The following MKNK1 variants were observed in gnomAD, a reference collection of about 807,000 sequenced individuals.
MKNK1 encodes MAP kinase-interacting serine/threonine-protein kinase 1.
In MKNK1, 30 loss-of-function variants were observed where a neutral mutation model predicts 49.3. That is an observed-to-expected ratio of 0.61 (90% confidence interval 0.46 to 0.83). The LOEUF (loss-of-function observed/expected upper bound fraction) is 0.83, where lower values mean the gene tolerates loss of function less well. MKNK1 is among the 40% of genes least tolerant of loss of function. MKNK1 has a pLI of 0.00. For synonymous variants in MKNK1, 176 were observed against 201.7 expected, an observed-to-expected ratio of 0.87 and a Z score of 1.08; for missense variants, 423 against 524.7, an observed-to-expected ratio of 0.81 and a Z score of 1.89.
chr1:46,571,995 T>G, intron 7 of MKNK1, 68 bp downstream of exon 7: 2 of 1,452,796 alleles, frequency 1.4e-6, no homozygotes, highest in Non-Finnish European at 1.9e-6. Flanking sequence ...CTGCCTGGCC[T>G]ACCACCTCCC....
intron 8 of MKNK1, among the ~76,000 whole-genome samples, chr1:46,565,858 T>A (rs958210139): frequency 6.6e-6 from 1 of 152,348 alleles, no homozygotes; most frequent in South Asian, 2.1e-4. Flanking sequence ...CTGAGACCCA[T>A]GTCCTTGCCG....
At chr1:46,583,416 G>C (rs1219525029) in intron 2 of MKNK1, 87 bp from the exon 3 acceptor site, 1 of 1,003,478 alleles carries the variant, frequency 1.0e-6, no homozygotes, top group Admixed American at 2.3e-5. Context: ...AAGGTAGTGG[G>C]GGAGGACCCA....
At position 46,597,545 on chromosome 1, in the gene MKNK1, C is replaced by A. The variant is rs556174900; in HGVS notation, c.-170-3265G>T. Among the ~76,000 whole-genome samples, 39 of 152,340 alleles carry A rather than the reference C, an allele frequency of 2.6e-4. No homozygotes were observed. The South Asian group carries it at 6.2e-3, about 24-fold the overall frequency. The stretch of plus-strand genomic sequence containing the variant: ...CCTCCATCAACTTGTCCCAGACCAA[C>A]CCTCTATGGGAGTCTTAACCTGCAG... On this transcript the variant is annotated intron_variant, in intron 1 of 12. Transcript: ENST00000371945.
intron 9 of MKNK1, among the ~76,000 whole-genome samples, chr1:46,564,289 C>G (rs1489228043): frequency 1.3e-5 from 2 of 151,692 alleles, no homozygotes; most frequent in African/African-American, 4.8e-5. Flanking sequence ...ACTATCCTGT[C>G]CAGTCAGGGA....
chr1:46,566,385 T>C lies in MKNK1; in HGVS notation c.514-1249A>G, dbSNP rs565239372. Among the ~76,000 whole-genome samples the C allele has an allele frequency of 3.9e-5, 6 of 152,376 alleles. No homozygotes were observed. In the South Asian group the frequency reaches 1.2e-3, roughly 32 times the overall value. The stretch of plus-strand genomic sequence containing the variant: ...CATTGAATGTATGTACCACATTTTG[T>C]TTATCTGTTCAGCTGCTGATGACCA... On this transcript the variant is annotated intron_variant, in intron 8 of 12. Coordinates refer to ENST00000371945, the MANE Select transcript of MKNK1 (RefSeq NM_001135553.4).
At chr1:46,572,221 AG>A in intron 6 of MKNK1, 54 bp from the exon 7 acceptor site, 1 of 1,488,892 alleles carries the variant, frequency 6.7e-7, no homozygotes, top group Non-Finnish European at 9.3e-7. Context: ...AGTAAGTATA[AG>A]TTTTTTTTTT....
intron 2 of MKNK1, among the ~76,000 whole-genome samples, chr1:46,584,063 C>T (rs2148706702): frequency 6.6e-6 from 1 of 152,322 alleles, no homozygotes; most frequent in East Asian, 1.9e-4. Flanking sequence ...CATTGGCAAG[C>T]ACCTGGCTCC....
At position 46,594,243 on chromosome 1, in the gene MKNK1, G is replaced by T. The variant is rs1673750003; in HGVS notation, c.-133C>A. 1 of 912,938 alleles carries T rather than the reference G, an allele frequency of 1.1e-6. No individual in the cohort carries two copies. The highest frequency in any genetic ancestry group is 1.8e-6 in the Non-Finnish European group (1 of 546,064). 56.6% of individuals were successfully genotyped at this position (912,938 alleles called of 1,614,324 possible). ...TCTCAATGGCCTTTGTGCGTAGGTG[G>T]CAATCTTCAGTTCTCCATCGGCCTC... On this transcript the variant is annotated 5_prime_UTR_variant, in exon 2 of 13. Coordinates refer to ENST00000371945, the MANE Select transcript of MKNK1 (RefSeq NM_001135553.4).
intron 1 of MKNK1, among the ~76,000 whole-genome samples, chr1:46,600,802 C>T (rs1674634093): frequency 6.6e-6 from 1 of 152,222 alleles, no homozygotes; most frequent in Non-Finnish European, 1.5e-5. Context: ...GTGTCTGGAA[C>T]ACAGCAAGTG....
chr1:46,597,324 T>C (rs897480491), intron 1 of MKNK1, among the ~76,000 whole-genome samples: 7 of 149,596 alleles, frequency 4.7e-5, no homozygotes, highest in Non-Finnish European at 8.9e-5. Flanking sequence ...AAAATCACCA[T>C]GTATACAAAC....
At chr1:46,568,135 A>G in intron 8 of MKNK1, 1 of 238,640 alleles carries the variant, frequency 4.2e-6, no homozygotes, top group Non-Finnish European at 8.1e-6. Context: ...AAAAAAAAAA[A>G]AGTATTTACG....
At chr1:46,600,260 G>C (rs534986543) in intron 1 of MKNK1, among the ~76,000 whole-genome samples, 7 of 152,312 alleles carry the variant, frequency 4.6e-5, no homozygotes, top group Admixed American at 3.3e-4. Flanking sequence ...AGAAGGTTCT[G>C]AGAAGACAAT....
At chr1:46,598,340 C>T (rs1433661681) in intron 1 of MKNK1, among the ~76,000 whole-genome samples, 1 of 152,042 alleles carries the variant, frequency 6.6e-6, no homozygotes, top group East Asian at 1.9e-4. Context: ...GATTTTCTAA[C>T]GAGCCACTGA....
chr1:46,575,163 AG>A (rs1207445140), intron 5 of MKNK1, 143 bp from the exon 6 acceptor site: 21 of 597,664 alleles, frequency 3.5e-5, no homozygotes, highest in Non-Finnish European at 6.2e-5. Context: ...TGCTTATTAA[AG>A]ACCCGCGTAT....
intron 1 of MKNK1, among the ~76,000 whole-genome samples, chr1:46,600,267 C>T (rs2148781069): frequency 6.6e-6 from 1 of 152,286 alleles, no homozygotes; most frequent in East Asian, 1.9e-4. Flanking sequence ...TCTGAGAAGA[C>T]AATTATTTAT....
At chr1:46,568,519 A>G (rs377585512) in intron 7 of MKNK1, 21 bp from the exon 8 acceptor site, 1 of 1,611,252 alleles carries the variant, frequency 6.2e-7, no homozygotes, top group South Asian at 1.1e-5. Context: ...AAAGAGCAAA[A>G]AAATGGTTAA....
Position 46,572,123 on chromosome 1 carries a change from G to A in MKNK1, c.397C>T (p.Arg133Ter), listed in dbSNP as rs146727868. 1.4e-5 allele frequency: 23 copies of A among 1,614,166 alleles called. No homozygotes were observed. The highest frequency in any genetic ancestry group is 1.9e-5 in the Non-Finnish European group (22 of 1,180,000). ...TCCCGCACCACTCGGCTGGCTTCTC[G>A]CTCATTGAAGTGCTTTTGCTTCTGG... ...HIQKQKHFNE[R>*]EASRVVRDVA... The change falls in exon 7 of 13, where the codon CGA (arginine) becomes TGA (stop). Residue 133 changes from arginine to a stop codon, truncating the protein, a stop_gained. Coordinates refer to ENST00000371945, the MANE Select transcript of MKNK1 (RefSeq NM_001135553.4). LOFTEE classifies it high-confidence loss of function.
intron 4 of MKNK1, among the ~76,000 whole-genome samples, chr1:46,579,098 T>C (rs1671396004): frequency 6.6e-6 from 1 of 152,200 alleles, no homozygotes; most frequent in South Asian, 2.1e-4. Flanking sequence ...AAATCACTTG[T>C]AATTTATACT....
intron 6 of MKNK1, among the ~76,000 whole-genome samples, chr1:46,572,871 A>G (rs1172845992): frequency 6.6e-6 from 1 of 152,064 alleles, no homozygotes; most frequent in East Asian, 1.9e-4. Flanking sequence ...TCCAAACAAG[A>G]GCACAAACTT....
Sources: allele counts gnomAD v4.1 joint callset (sites outside exome capture counted in the v4.1 genomes callset), GRCh38; gene constraint gnomAD v4.1.1; transcripts MANE v1.5; gene names NCBI Gene and HGNC (gene_info 2026-07-23, HGNC 2026-07-21).